Variants in PAH observed in about 807,000 individuals in gnomAD.
PAH encodes the protein phenylalanine-4-hydroxylase.
PAH carries 64 observed loss-of-function variants against 62.0 expected under a neutral mutation model. The observed-to-expected ratio is 1.03, with a 90% confidence interval of 0.84 to 1.27. PAH has a LOEUF of 1.27. Among genes scored for constraint, PAH ranks in the 50% most tolerant of loss-of-function variants. The pLI, the probability that PAH is intolerant of heterozygous loss-of-function variation, is 0.00. For synonymous variants in PAH, 195 were observed against 196.2 expected (o/e 0.99, Z 0.05); for missense variants, 579 against 542.8 (o/e 1.07, Z -0.66).
At chr12:102,893,143 T>C (rs969948305) in intron 3 of PAH, among the ~76,000 whole-genome samples, 1 of 152,212 alleles carries the variant, frequency 6.6e-6, no homozygotes, top group Non-Finnish European at 1.5e-5. Context: ...CTCATGCCTG[T>C]AATCCCAACA....
Position 102,855,233 on chromosome 12 carries a change from G to A in PAH, c.609C>T (p.Cys203=), listed in dbSNP as rs1801147. 4.2e-4 allele frequency: 672 copies of A among 1,613,954 alleles called. 1 individual carries two copies. Among genetic ancestry groups the A allele is most frequent in the Middle Eastern group, 8.2e-4 (5 of 6,062 alleles). The change falls in exon 6 of 13, where the codon TGC becomes TGT. Residue 203 remains cysteine, a synonymous_variant. Coordinates refer to ENST00000553106, the MANE Select transcript of PAH (RefSeq NM_000277.3). ...GTGGAAAAATGTGATTGTACTCATAGCAAGCATGGGTTTTATACAAGGACT... is the reference window on the plus strand; with the variant it reads ...GTGGAAAAATGTGATTGTACTCATAACAAGCATGGGTTTTATACAAGGACT... The part of the protein sequence containing the change: ...TLKSLYKTHA[C]YEYNHIFPLL...
At chr12:102,899,873 A>C (rs1877677233) in intron 2 of PAH, among the ~76,000 whole-genome samples, 3 of 142,324 alleles carry the variant, frequency 2.1e-5, no homozygotes, top group African/African-American at 5.2e-5. Context: ...AAAAAAAAAA[A>C]AAAAAAAAAA....
At chr12:102,918,428 T>G (rs1260517139), upstream of PAH, among the ~76,000 whole-genome samples, 1 of 151,508 alleles carries the variant, frequency 6.6e-6, no homozygotes, top group Admixed American at 6.6e-5. Flanking sequence ...CTCCCACTGT[T>G]CTTTGACCAA....
upstream of PAH, among the ~76,000 whole-genome samples, chr12:102,919,003 A>G (rs538453046): frequency 9.2e-5 from 14 of 152,314 alleles, no homozygotes; most frequent in South Asian, 2.7e-3. Context: ...ACTTATTTGC[A>G]TGCACACTCT....
In PAH at chr12:102,843,715, T is replaced by C. The variant is rs62642942; in HGVS notation, c.1130A>G (p.Tyr377Cys). ...GAGGGGCTGGAACTCCGTGACAGTGTAATTTTGGATGGCTGTCTTCTCCAG... is the reference window on the plus strand; with the variant it reads ...GAGGGGCTGGAACTCCGTGACAGTGCAATTTTGGATGGCTGTCTTCTCCAG... ...LELEKTAIQNYTVTEFQPLYY... is the reference protein window; with the variant it reads ...LELEKTAIQNCTVTEFQPLYY... Residue 377 changes from tyrosine (Y) to cysteine (C), a missense_variant, in exon 11 of 13, where the codon TAC becomes TGC. Physicochemically the swap from Tyr to Cys is radical, Grantham distance 194. Transcript: ENST00000553106. 1 of 1,613,652 alleles carries C rather than the reference T, an allele frequency of 6.2e-7. No individual in the cohort carries two copies. The highest frequency in any genetic ancestry group is 8.5e-7 in the Non-Finnish European group (1 of 1,179,662).
intron 10 of PAH, 53 bp from the exon 11 acceptor site, chr12:102,843,832 C>G: frequency 6.3e-7 from 1 of 1,586,616 alleles, no homozygotes; most frequent in Non-Finnish European, 8.6e-7. Context: ...GATCAGTATT[C>G]CCTGCTGCAT....
At chr12:102,840,185 G>A (rs1874522362) in intron 12 of PAH, among the ~76,000 whole-genome samples, 1 of 152,122 alleles carries the variant, frequency 6.6e-6, no homozygotes, top group Non-Finnish European at 1.5e-5. Flanking sequence ...AGGTGGAGTG[G>A]AATCTAGGAA....
intron 9 of PAH, among the ~76,000 whole-genome samples, chr12:102,845,441 A>G (rs2136638065): frequency 6.6e-6 from 1 of 152,286 alleles, no homozygotes; most frequent in South Asian, 2.1e-4. Flanking sequence ...CAGTGAGGAG[A>G]ATGTCCCATC....
intron 2 of PAH, among the ~76,000 whole-genome samples, chr12:102,905,456 T>C (rs1400686349): frequency 6.6e-6 from 1 of 152,198 alleles, no homozygotes; most frequent in Non-Finnish European, 1.5e-5. Flanking sequence ...AAGATCGTTC[T>C]CTTTACAACA....
chr12:102,908,113 C>T (rs920200932), intron 2 of PAH, among the ~76,000 whole-genome samples: 2 of 151,932 alleles, frequency 1.3e-5, no homozygotes, highest in African/African-American at 4.8e-5. Flanking sequence ...GGTGTAATAA[C>T]ATCACTTACT....
At chr12:102,917,269 G>T (rs1022255975), upstream of PAH, 37 of 754,400 alleles carry the variant, frequency 4.9e-5, no homozygotes, top group Non-Finnish European at 4.6e-6. Context: ...CTTGCGTGGT[G>T]CATCTCCGCA....
intron 8 of PAH, among the ~76,000 whole-genome samples, chr12:102,851,120 GAA>G (rs1196057557): frequency 6.6e-6 from 1 of 150,700 alleles, no homozygotes; most frequent in African/African-American, 2.4e-5. Context: ...AAAAGAAAAA[GAA>G]AGCTTTTTTT....
chr12:102,955,109 G>A (rs1356753604), upstream of PAH, among the ~76,000 whole-genome samples: 1 of 152,208 alleles, frequency 6.6e-6, no homozygotes, highest in Non-Finnish European at 1.5e-5. Flanking sequence ...CCTGGCCTGA[G>A]GCCAATGAGT....
chr12:102,877,031 C>T (rs1048306114), intron 4 of PAH, among the ~76,000 whole-genome samples: 2 of 152,096 alleles, frequency 1.3e-5, no homozygotes, highest in Admixed American at 6.5e-5. Context: ...TTATCTGACC[C>T]GCATCTCCTA....
At chr12:102,956,456 C>T (rs1165498319) in intron 1 of PAH, among the ~76,000 whole-genome samples, 1 of 152,120 alleles carries the variant, frequency 6.6e-6, no homozygotes, top group Non-Finnish European at 1.5e-5. Flanking sequence ...TCCCTCTCGG[C>T]GCCAGCACGC....
chr12:102,950,663 G>A, exon 1 of PAH: 1 of 152,364 alleles, frequency 6.6e-6, no homozygotes, highest in Non-Finnish European at 1.5e-5. Context: ...GGCTCTAGGC[G>A]CCTGCATTCC....
intron 5 of PAH, among the ~76,000 whole-genome samples, chr12:102,856,531 C>G (rs1875440162): frequency 6.6e-6 from 1 of 152,212 alleles, no homozygotes; most frequent in Non-Finnish European, 1.5e-5. Flanking sequence ...GTACAGACTG[C>G]CTTCTCAAGT....
At chr12:102,898,928 TATTTATGGCTCC>T (rs1421371031) in intron 2 of PAH, among the ~76,000 whole-genome samples, 1 of 152,192 alleles carries the variant, frequency 6.6e-6, no homozygotes, top group Non-Finnish European at 1.5e-5. Flanking sequence ...GTGCAGCCAT[TATTTATGGCTCC>T]AACTGCAGAC....
intron 3 of PAH, among the ~76,000 whole-genome samples, chr12:102,881,113 A>C (rs555065833): frequency 6.6e-6 from 1 of 151,192 alleles, no homozygotes; most frequent in Non-Finnish European, 1.5e-5. Context: ...TCCCGGGTTC[A>C]AGCAATTTTC....
Sources: gnomAD v4.1 joint callset for allele counts (sites outside exome capture counted in the v4.1 genomes callset) on GRCh38, gnomAD v4.1.1 for gene constraint, MANE v1.5 for transcripts, NCBI Gene and HGNC (gene_info 2026-07-23, HGNC 2026-07-21) for gene names.